RHOG: variants seen among roughly 807,000 people sequenced by gnomAD.
RHOG encodes the protein ras homolog family member G.
Under a neutral mutation model 12.3 loss-of-function variants are expected in RHOG, and 1 was observed. The ratio of observed to expected loss-of-function variants is 0.08; its 90% confidence interval spans 0.03 to 0.39. RHOG has a LOEUF of 0.39. Among genes scored for constraint, RHOG ranks in the 10% least tolerant of loss-of-function variants. The probability of loss-of-function intolerance (pLI) is 0.99; values close to 1 mark genes in which losing one functional copy is unlikely to be tolerated. For missense variants in RHOG, 114 were observed against 266.2 expected (o/e 0.43, Z 3.98); for synonymous variants, 129 against 116.0 (o/e 1.11, Z -0.72).
At chr11:3,839,602 A>AACACACACTCACACAC (rs1554948264) in intron 1 of RHOG, among the ~76,000 whole-genome samples, 2 of 141,598 alleles carry the variant, frequency 1.4e-5, no homozygotes, top group Non-Finnish European at 3.1e-5. Context: ...CACACACGCA[A>AACACACACTCACACAC]ACACACACAC....
At chr11:3,828,386 G>A (rs528184646) in intron 1 of RHOG, among the ~76,000 whole-genome samples, 180 bp from the exon 2 acceptor site, 2 of 152,158 alleles carry the variant, frequency 1.3e-5, no homozygotes, top group Non-Finnish European at 2.9e-5. Flanking sequence ...CAAGCAAAGA[G>A]GCAGTATAAT....
rs2135131450 is a variant in RHOG, at chr11:3,827,812, G to A, written c.327C>T (p.Pro109=). 6.2e-7 allele frequency: 1 copy of A among 1,614,008 alleles called. No homozygotes were observed. Among genetic ancestry groups the A allele is most frequent in the Non-Finnish European group, 8.5e-7 (1 of 1,179,902 alleles). Residue 109 remains proline (P), a synonymous_variant, in exon 2 of 2, where the codon CCC becomes CCT. Transcript: ENST00000351018. The surrounding 1 kb of genome is among the most constrained non-coding windows in gnomAD (Gnocchi z 7.3). The part of the protein sequence containing the change: ...PEVCHHCPDV[P]ILLVGTKKDL... ...CCTTCTTGGTGCCCACCAGCAGGAT[G>A]GGCACATCAGGGCAGTGGTGGCACA...
At position 3,827,524 on chromosome 11, in the gene RHOG, G is replaced by C. The variant is rs759428207; in HGVS notation, c.*39C>G. The C allele has an allele frequency of 4.6e-6, 7 of 1,530,634 alleles. No individual in the cohort carries two copies. The highest frequency in any genetic ancestry group is 6.2e-6 in the Non-Finnish European group (7 of 1,122,108). The allele number at this position is 1,530,634 out of a possible 1,614,324, so 94.8% of individuals were successfully genotyped here. A position where few individuals can be genotyped will look rare whatever the true frequency, so the allele number is the denominator to read the frequency against. On this transcript the variant is annotated 3_prime_UTR_variant, in exon 2 of 2. Transcript: ENST00000351018. The surrounding 1 kb of genome is among the most constrained non-coding windows in gnomAD (Gnocchi z 7.3). ...ACAAGGCACCAAGGCACAACTGGTGGGGGGAGGGCAGGGGCAGCCTCCAAG... is the reference window on the plus strand; with the variant it reads ...ACAAGGCACCAAGGCACAACTGGTGCGGGGAGGGCAGGGGCAGCCTCCAAG...
intron 1 of RHOG, among the ~76,000 whole-genome samples, chr11:3,839,486 AC>A (rs2090177433): frequency 4.3e-4 from 3 of 7,032 alleles, no homozygotes; most frequent in African/African-American, 1.4e-3. Flanking sequence ...GCGCGCGCGA[AC>A]ACACACACAC....
At chr11:3,833,773 A>G (rs757599649) in intron 1 of RHOG, among the ~76,000 whole-genome samples, 15 of 152,106 alleles carry the variant, frequency 9.9e-5, no homozygotes, top group Non-Finnish European at 1.9e-4. Flanking sequence ...TTCCAGAGGG[A>G]TTTTCAATGT....
At position 3,834,675 on chromosome 11, in the gene RHOG, T is replaced by TGG. The variant is rs544293847; in HGVS notation, c.-69+6217_-69+6218dup. Among the ~76,000 whole-genome samples the TGG allele has an allele frequency of 4.6e-3, 697 of 152,274 alleles. 5 individuals are homozygous for TGG. The highest frequency in any genetic ancestry group is 0.014 in the Middle Eastern group (4 of 294). On this transcript the variant is annotated intron_variant, in intron 1 of 1. Coordinates refer to ENST00000351018, the MANE Select transcript of RHOG (RefSeq NM_001665.4). ...GCTTGTACCCAGTGGGGCCTGGCCTTGGGGTGTGGCCCAGGCAGGCCCAGA... is the reference window on the plus strand; with the variant it reads ...GCTTGTACCCAGTGGGGCCTGGCCTTGGGGGGTGTGGCCCAGGCAGGCCCAGA...
intron 1 of RHOG, among the ~76,000 whole-genome samples, chr11:3,839,348 C>T (rs1470061578): frequency 1.3e-5 from 2 of 152,102 alleles, no homozygotes; most frequent in Non-Finnish European, 2.9e-5. Flanking sequence ...ACGGCTTCCT[C>T]CTGCCTAACC....
chr11:3,828,090 T>A lies in RHOG; in HGVS notation c.49A>T (p.Thr17Ser). The change falls in exon 2 of 2, where the codon ACG (threonine) becomes TCG (serine). Residue 17 changes from threonine (T) to serine (S), a missense_variant. Physicochemically the swap from Thr to Ser is moderately conservative, Grantham distance 58. Transcript: ENST00000351018. ...VVVGDGAVGK[T>S]CLLICYTTNA... ...GTTGTGTAGCAGATGAGCAGGCACG[T>A]CTTGCCCACAGCCCCATCACCCACC... 6.2e-7 allele frequency: 1 copy of A among 1,614,190 alleles called. No homozygotes were observed. Among genetic ancestry groups the A allele is most frequent in the Non-Finnish European group, 8.5e-7 (1 of 1,179,988 alleles).
Position 3,836,902 on chromosome 11 carries a change from C to CAAAA in RHOG, c.-69+3988_-69+3991dup, listed in dbSNP as rs57344316. Among the ~76,000 whole-genome samples, 10 of 29,252 alleles carry CAAAA rather than the reference C, an allele frequency of 3.4e-4. 1 individual carries two copies. Among genetic ancestry groups the CAAAA allele is most frequent in the African/African-American group, 1.9e-3 (10 of 5,228 alleles). 19.2% of individuals were successfully genotyped at this position (29,252 alleles called of 152,430 possible). A position where few individuals can be genotyped will look rare whatever the true frequency, so the allele number is the denominator to read the frequency against. On this transcript the variant is annotated intron_variant, in intron 1 of 1. Coordinates refer to ENST00000351018, the MANE Select transcript of RHOG (RefSeq NM_001665.4). Reference sequence around the variant, plus strand: ...TGGGTGACAGAGCAAGACTCCATCTCAAAAAAAAAAAAAAAAAAAAAAAAA... The same window carrying CAAAA: ...TGGGTGACAGAGCAAGACTCCATCTCAAAAAAAAAAAAAAAAAAAAAAAAAAAAA...
Position 3,839,339 on chromosome 11 carries a change from C to T in RHOG, c.-69+1555G>A, listed in dbSNP as rs776910899. ...GTCACCCTACCCTGACTGCTACAAA[C>T]GGCTTCCTCCTGCCTAACCACAACC... On this transcript the variant is annotated intron_variant, in intron 1 of 1. Transcript: ENST00000351018. Among the ~76,000 whole-genome samples, 5 of 152,132 alleles carry T rather than the reference C, an allele frequency of 3.3e-5. No individual in the cohort carries two copies. The South Asian group carries it at 6.2e-4, about 19-fold the overall frequency.
chr11:3,830,139 G>T lies in RHOG; in HGVS notation c.-68-1933C>A, dbSNP rs561196434. On this transcript the variant is annotated intron_variant, in intron 1 of 1. Coordinates refer to ENST00000351018, the MANE Select transcript of RHOG (RefSeq NM_001665.4). ...CCTCAATCTTCTGTCCATTTCCTGA[G>T]ATCCTGGCATGTGCCTCTGAAAGAT... is the stretch of plus-strand genomic sequence containing the variant. Among the ~76,000 whole-genome samples the T allele has an allele frequency of 2.0e-5, 3 of 152,288 alleles. No homozygotes were observed. The South Asian group carries it at 6.2e-4, about 32-fold the overall frequency.
At chr11:3,837,919 G>C (rs529768411) in intron 1 of RHOG, 3 of 152,610 alleles carry the variant, frequency 2.0e-5, no homozygotes, top group Admixed American at 2.0e-4. Context: ...TGCCCTAGCT[G>C]AGAAGCTCCT....
chr11:3,831,838 T>G (rs1235423390), intron 1 of RHOG, among the ~76,000 whole-genome samples: 1 of 152,074 alleles, frequency 6.6e-6, no homozygotes, highest in Non-Finnish European at 1.5e-5. Flanking sequence ...ACAGTATGAC[T>G]GAAAAGCCCA....
chr11:3,835,586 A>G (rs1247737950), intron 1 of RHOG, among the ~76,000 whole-genome samples: 3 of 152,222 alleles, frequency 2.0e-5, no homozygotes, highest in African/African-American at 4.8e-5. Flanking sequence ...GACACAAGAC[A>G]TAAGTAACCA....
At chr11:3,832,480 A>G (rs991452229) in intron 1 of RHOG, among the ~76,000 whole-genome samples, 1 of 152,162 alleles carries the variant, frequency 6.6e-6, no homozygotes, top group African/African-American at 2.4e-5. Context: ...TAGAAGTAAT[A>G]ATAGTACCCC....
chr11:3,838,356 C>A (rs1198529283), intron 1 of RHOG, among the ~76,000 whole-genome samples: 3 of 152,244 alleles, frequency 2.0e-5, no homozygotes, highest in African/African-American at 7.2e-5. Context: ...ATCCCTGTCT[C>A]ACCCATCTTG....
chr11:3,836,540 C>G (rs796657629), intron 1 of RHOG, among the ~76,000 whole-genome samples: 23 of 151,858 alleles, frequency 1.5e-4, no homozygotes, highest in African/African-American at 5.3e-4. Flanking sequence ...GTCTAGGACC[C>G]TTTCACTAAG....
chr11:3,828,899 C>T (rs370008058), intron 1 of RHOG, among the ~76,000 whole-genome samples: 49 of 151,764 alleles, frequency 3.2e-4, no homozygotes, highest in East Asian at 1.9e-3. Context: ...GGATTACAGG[C>T]GTGAGCCACT....
At chr11:3,828,783 G>A (rs373068938) in intron 1 of RHOG, among the ~76,000 whole-genome samples, 57 of 151,784 alleles carry the variant, frequency 3.8e-4, no homozygotes, top group African/African-American at 1.4e-3. Context: ...ACCACGCCCG[G>A]CTAATTTTTT....
Sources: allele counts gnomAD v4.1 joint callset (sites outside exome capture counted in the v4.1 genomes callset), GRCh38; gene constraint gnomAD v4.1.1; non-coding constraint Gnocchi (gnomAD v3.1); transcripts MANE v1.5; gene names NCBI Gene and HGNC (gene_info 2026-07-23, HGNC 2026-07-21).